PTPN3: variants seen among roughly 807,000 people sequenced by gnomAD.
The protein encoded by PTPN3 is protein tyrosine phosphatase non-receptor type 3, also known as tyrosine-protein phosphatase non-receptor type 3.
PTPN3 carries 96 observed loss-of-function variants against 132.7 expected under a neutral mutation model. The observed-to-expected ratio is 0.72, with a 90% CI of 0.61 to 0.86. The LOEUF is 0.86. Ranked by LOEUF, PTPN3 falls within the 40% of genes least tolerant of loss-of-function variation. PTPN3 has a pLI of 0.00. For synonymous variants in PTPN3, 398 were observed against 429.0 expected (o/e 0.93, Z 0.89); for missense variants, 1,125 against 1,159.6 (o/e 0.97, Z 0.43).
intron 14 of PTPN3, among the ~76,000 whole-genome samples, chr9:109,416,495 G>C (rs555275683): frequency 6.6e-6 from 1 of 150,802 alleles, no homozygotes. Context: ...GCCCAGCCTG[G>C]AGTGCAGGGG....
intron 15 of PTPN3, 76 bp downstream of exon 15, chr9:109,410,153 T>C (rs2131763103): frequency 1.2e-6 from 2 of 1,613,016 alleles, no homozygotes; most frequent in South Asian, 2.2e-5. Context: ...TTCATTTAGT[T>C]AGAGCTACTC....
intron 2 of PTPN3, among the ~76,000 whole-genome samples, chr9:109,461,792 T>C (rs1845854257): frequency 6.6e-6 from 1 of 152,086 alleles, no homozygotes. Context: ...TTCAGGTATA[T>C]TTCAAATGTC....
intron 17 of PTPN3, 66 bp from the exon 18 acceptor site, chr9:109,406,684 A>C: frequency 6.3e-7 from 1 of 1,578,132 alleles, no homozygotes; most frequent in Non-Finnish European, 8.7e-7. Flanking sequence ...AAGAACGCTG[A>C]CTCGCTCTGC....
chr9:109,510,573 AAAAATAT>A, the PTPN3 span, among the ~76,000 whole-genome samples: 22 of 50,860 alleles, frequency 4.3e-4, 2 homozygotes, highest in Admixed American at 7.8e-4. Flanking sequence ...AAAAAAAAAA[AAAAATAT>A]ATATATATAT....
chr9:109,450,193 TG>T (rs1164051152), intron 5 of PTPN3: 1 of 985,222 alleles, frequency 1.0e-6, no homozygotes, highest in East Asian at 1.1e-4. Flanking sequence ...CACAATGTAT[TG>T]AACACCTGGC....
At chr9:109,423,375 C>T (rs1177560445) in intron 12 of PTPN3, among the ~76,000 whole-genome samples, 1 of 152,084 alleles carries the variant, frequency 6.6e-6, no homozygotes, top group Non-Finnish European at 1.5e-5. Context: ...GAGGCTGAGG[C>T]GGGTGGATCA....
At chr9:109,391,382 A>G in intron 20 of PTPN3, 89 bp downstream of exon 20, 2 of 1,419,118 alleles carry the variant, frequency 1.4e-6, no homozygotes, top group Non-Finnish European at 1.9e-6. Flanking sequence ...CACACTGAAA[A>G]TCGTTCCAGA....
At chr9:109,490,638 C>T (rs990407862) in intron 1 of PTPN3, among the ~76,000 whole-genome samples, 4 of 151,634 alleles carry the variant, frequency 2.6e-5, no homozygotes, top group African/African-American at 9.7e-5. Context: ...ACTCAGGAGG[C>T]TGAGGCAGGA....
intron 1 of PTPN3, among the ~76,000 whole-genome samples, chr9:109,463,833 A>T (rs995076301): frequency 1.3e-5 from 2 of 152,360 alleles, no homozygotes; most frequent in East Asian, 1.9e-4. Context: ...GAAAAGACTC[A>T]TTGATAAACT....
chr9:109,425,387 C>G (rs574109008), intron 12 of PTPN3, among the ~76,000 whole-genome samples: 1 of 152,134 alleles, frequency 6.6e-6, no homozygotes, highest in Non-Finnish European at 1.5e-5. Flanking sequence ...CAACAAATCA[C>G]GAAAACAATT....
At chr9:109,390,034 A>G (rs1839927931) in intron 21 of PTPN3, among the ~76,000 whole-genome samples, 2 of 152,232 alleles carry the variant, frequency 1.3e-5, no homozygotes, top group African/African-American at 4.8e-5. Context: ...CTCTCAGGTG[A>G]GCAAGGTAAA....
the PTPN3 span, among the ~76,000 whole-genome samples, chr9:109,535,599 C>G: frequency 6.6e-6 from 1 of 152,084 alleles, no homozygotes; most frequent in East Asian, 1.9e-4. Context: ...TCTCCGCCTC[C>G]AGGTTCAAGT....
the PTPN3 span, among the ~76,000 whole-genome samples, chr9:109,525,590 A>T: frequency 6.6e-6 from 1 of 152,192 alleles, no homozygotes; most frequent in Non-Finnish European, 1.5e-5. Context: ...TGCAACCAGG[A>T]TTGGGAAACA....
chr9:109,456,451 C>A (rs1845567582), intron 4 of PTPN3, among the ~76,000 whole-genome samples: 2 of 152,216 alleles, frequency 1.3e-5, no homozygotes, highest in South Asian at 4.1e-4. Context: ...ATCTGAGCAG[C>A]CTTGAAAAAA....
chr9:109,457,224 CAAG>C lies in PTPN3; in HGVS notation c.247-12_247-10del, dbSNP rs1354185339. On this transcript the variant is annotated splice_polypyrimidine_tract_variant and intron_variant, in intron 3 of 25. Coordinates refer to ENST00000374541, the MANE Select transcript of PTPN3 (RefSeq NM_002829.4). ...CTTGCTTCCAGCCATCTCTGTTGGACAAGAAAACATAAAATATAAAAGCAAACC... is the reference window on the plus strand; with the variant it reads ...CTTGCTTCCAGCCATCTCTGTTGGACAAAACATAAAATATAAAAGCAAACC... 5.0e-6 allele frequency: 8 copies of C among 1,613,642 alleles called. No individual in the cohort carries two copies. The African/African-American group carries it at 1.1e-4, about 22-fold the overall frequency.
At chr9:109,477,393 T>C (rs1195916317) in intron 1 of PTPN3, among the ~76,000 whole-genome samples, 2 of 152,230 alleles carry the variant, frequency 1.3e-5, no homozygotes, top group East Asian at 3.8e-4. Flanking sequence ...TTTATCACCA[T>C]ATTACCTCTG....
intron 2 of PTPN3, among the ~76,000 whole-genome samples, chr9:109,458,270 C>G (rs1199221677): frequency 6.6e-6 from 1 of 152,174 alleles, no homozygotes; most frequent in Admixed American, 6.5e-5. Context: ...AGGACAGGGC[C>G]AAGCATCACC....
At chr9:109,444,468 C>A (rs994424773) in intron 7 of PTPN3, among the ~76,000 whole-genome samples, 2 of 152,106 alleles carry the variant, frequency 1.3e-5, no homozygotes, top group Non-Finnish European at 2.9e-5. Context: ...CCACTAGCGA[C>A]GTGCGGTTAG....
Position 109,454,616 on chromosome 9 carries a change from A to AAC in PTPN3, c.290-43_290-42insGT, listed in dbSNP as rs761664245. Reference sequence around the variant, plus strand: ...AAACAAATTAAATTTTCCCTTTGACAAAGTCAATGTATGTAAGTTGCTTCT... The same window carrying AAC: ...AAACAAATTAAATTTTCCCTTTGACAACAAGTCAATGTATGTAAGTTGCTTCT... On this transcript the variant is annotated intron_variant, in intron 4 of 25. Coordinates refer to ENST00000374541, the MANE Select transcript of PTPN3 (RefSeq NM_002829.4). 2.0e-6 allele frequency: 3 copies of AAC among 1,503,470 alleles called. No individual in the cohort carries two copies. The South Asian group carries it at 3.4e-5, about 17-fold the overall frequency. 93.1% of individuals were successfully genotyped at this position (1,503,470 alleles called of 1,614,324 possible). A position where few individuals can be genotyped will look rare whatever the true frequency, so the allele number is the denominator to read the frequency against.
Sources: allele counts gnomAD v4.1 joint callset (sites outside exome capture counted in the v4.1 genomes callset), GRCh38; gene constraint gnomAD v4.1.1; transcripts MANE v1.5; gene names NCBI Gene and HGNC (gene_info 2026-07-23, HGNC 2026-07-21).